The following GABRR3 variants were observed in gnomAD, a reference collection of about 807,000 sequenced individuals.
GABRR3 encodes the protein gamma-aminobutyric acid type A receptor subunit rho3.
In GABRR3, 29 loss-of-function variants were observed where a neutral mutation model predicts 43.2. The ratio of observed to expected loss-of-function variants is 0.67; its 90% CI spans 0.50 to 0.92. The LOEUF is 0.92. GABRR3 is among the 40% of genes least tolerant of loss of function. The pLI, the probability that GABRR3 is intolerant of heterozygous loss-of-function variation, is 0.00. For synonymous variants in GABRR3, 206 were observed against 195.9 expected (o/e 1.05, Z -0.43); for missense variants, 576 against 572.3 (o/e 1.01, Z -0.07).
At chr3:97,991,640 G>A (rs1445906206) in intron 9 of GABRR3, among the ~76,000 whole-genome samples, 1 of 152,186 alleles carries the variant, frequency 6.6e-6, no homozygotes, top group Non-Finnish European at 1.5e-5. Flanking sequence ...TCTGTTGGCT[G>A]AGAATCTGTT....
intron 3 of GABRR3, among the ~76,000 whole-genome samples, chr3:98,023,746 T>C (rs1706979683): frequency 6.6e-6 from 1 of 152,190 alleles, no homozygotes; most frequent in Non-Finnish European, 1.5e-5. Flanking sequence ...TAAATTATGA[T>C]TCAATAAGTG....
intron 6 of GABRR3, 109 bp downstream of exon 6, chr3:98,008,847 A>AT (rs1706754809): frequency 1.0e-5 from 5 of 483,554 alleles, no homozygotes; most frequent in African/African-American, 2.0e-5. Context: ...GTTTTGGATA[A>AT]ATATATCAGT....
chr3:98,021,175 C>T (rs1281268829), intron 3 of GABRR3, among the ~76,000 whole-genome samples: 1 of 151,938 alleles, frequency 6.6e-6, no homozygotes, highest in Non-Finnish European at 1.5e-5. Context: ...GTCATTTCTG[C>T]CTGGTTTGAG....
intron 3 of GABRR3, 116 bp from the exon 4 acceptor site, chr3:98,017,838 T>G: frequency 1.5e-6 from 1 of 668,626 alleles, no homozygotes; most frequent in Non-Finnish European, 2.5e-6. Context: ...TAAAGTTTTT[T>G]TAAACAACAA....
chr3:98,029,774 A>G (rs1321328068), intron 2 of GABRR3, among the ~76,000 whole-genome samples: 1 of 152,148 alleles, frequency 6.6e-6, no homozygotes, highest in Non-Finnish European at 1.5e-5. Flanking sequence ...TTTTATATCT[A>G]TTAAATTAGC....
intron 2 of GABRR3, 28 bp from the exon 3 acceptor site, chr3:98,025,707 T>G: frequency 7.2e-7 from 1 of 1,395,946 alleles, no homozygotes; most frequent in Non-Finnish European, 1.0e-6. Flanking sequence ...AAAAAAAAAC[T>G]TCTGAGATAC....
chr3:98,013,710 G>C (rs557434322), intron 4 of GABRR3, among the ~76,000 whole-genome samples: 2 of 152,276 alleles, frequency 1.3e-5, no homozygotes, highest in African/African-American at 4.8e-5. Flanking sequence ...GATTAATCTA[G>C]GAACATTAGC....
At position 98,001,808 on chromosome 3, in the gene GABRR3, C is replaced by G. The variant is rs368460208; in HGVS notation, c.755-41G>C. 22 of 1,609,038 alleles carry G rather than the reference C, an allele frequency of 1.4e-5. No individual in the cohort carries two copies. In the African/African-American group the frequency reaches 2.8e-4, roughly 21 times the overall value. ...AAAGTTTTCATTAGAGCAAGCTTCC[C>G]CTTAGAAACACTGCACTTAGTGAAA... On this transcript the variant is annotated intron_variant, in intron 7 of 9. Coordinates refer to ENST00000621172, the Ensembl canonical transcript of GABRR3.
chr3:98,035,108 A>G (rs1707135552), intron 1 of GABRR3, 82 bp downstream of exon 1: 2 of 1,218,908 alleles, frequency 1.6e-6, no homozygotes, highest in African/African-American at 1.5e-5. Flanking sequence ...GCATTAGGGG[A>G]AAAAGAAAGA....
intron 9 of GABRR3, among the ~76,000 whole-genome samples, chr3:97,988,259 G>A (rs1421189274): frequency 6.6e-6 from 1 of 151,964 alleles, no homozygotes; most frequent in African/African-American, 2.4e-5. Context: ...TTTATTTTTA[G>A]TAGAGACGAG....
Position 98,025,692 on chromosome 3 carries a change from AGGG to A in GABRR3, c.126-16_126-14del. ...AGTTTCTTGTTTGCTGTTCCCCCAA[AGGG>A]AAAAAAAAAACTTCTGAGATACATA... On this transcript the variant is annotated splice_polypyrimidine_tract_variant and intron_variant, in intron 2 of 9. Transcript: ENST00000621172. 2 of 1,569,174 alleles carry A rather than the reference AGGG, an allele frequency of 1.3e-6. No individual in the cohort carries two copies. The highest frequency in any genetic ancestry group is 3.6e-5 in the Admixed American group (2 of 54,824).
intron 7 of GABRR3, among the ~76,000 whole-genome samples, chr3:98,004,342 A>T (rs1706695708): frequency 6.6e-6 from 1 of 152,188 alleles, no homozygotes; most frequent in African/African-American, 2.4e-5. Context: ...AGAGAGTATT[A>T]TGAAACCCAT....
chr3:98,026,249 C>T (rs571573459), intron 2 of GABRR3, among the ~76,000 whole-genome samples: 6 of 152,252 alleles, frequency 3.9e-5, no homozygotes, highest in South Asian at 4.1e-4. Flanking sequence ...AATTCCCATC[C>T]GGGGTTCTAG....
intron 6 of GABRR3, 75 bp downstream of exon 6, chr3:98,008,881 A>C (rs1706755095): frequency 1.4e-6 from 1 of 711,104 alleles, no homozygotes; most frequent in Non-Finnish European, 2.3e-6. Flanking sequence ...TGTTAAGAGC[A>C]TGCTTATTTA....
intron 2 of GABRR3, 43 bp from the exon 3 acceptor site, chr3:98,025,722 G>T: frequency 7.8e-7 from 1 of 1,284,130 alleles, no homozygotes; most frequent in Non-Finnish European, 1.1e-6. Flanking sequence ...AGATACATAT[G>T]CTTCTGGATA....
intron 4 of GABRR3, among the ~76,000 whole-genome samples, chr3:98,016,081 C>T (rs898904839): frequency 6.6e-6 from 1 of 152,068 alleles, no homozygotes; most frequent in Non-Finnish European, 1.5e-5. Flanking sequence ...ATAATCAGGT[C>T]TCATGAGAAC....
At chr3:98,014,508 A>G (rs1706851055) in intron 4 of GABRR3, among the ~76,000 whole-genome samples, 1 of 152,196 alleles carries the variant, frequency 6.6e-6, no homozygotes, top group South Asian at 2.1e-4. Flanking sequence ...AATCTTCTAA[A>G]CCAATCTTTT....
chr3:98,012,228 C>T (rs1226959756), intron 5 of GABRR3, 116 bp downstream of exon 5: 6 of 723,210 alleles, frequency 8.3e-6, no homozygotes, highest in South Asian at 5.6e-5. Flanking sequence ...GTCCCAATCT[C>T]CAGCAGCATT....
chr3:98,014,560 G>A (rs966912565), intron 4 of GABRR3, among the ~76,000 whole-genome samples: 1 of 152,150 alleles, frequency 6.6e-6, no homozygotes, highest in Non-Finnish European at 1.5e-5. Flanking sequence ...TTTTGCAGGA[G>A]AATGGCAAAT....
Sources: gnomAD v4.1 joint callset for allele counts (sites outside exome capture counted in the v4.1 genomes callset) on GRCh38, gnomAD v4.1.1 for gene constraint, MANE v1.5 for transcripts, NCBI Gene and HGNC (gene_info 2026-07-23, HGNC 2026-07-21) for gene names.